NTNG2: variants seen among roughly 807,000 people sequenced by gnomAD.
The protein encoded by NTNG2 is netrin G2.
NTNG2 carries 15 observed loss-of-function variants against 47.6 expected under a neutral mutation model. The observed-to-expected ratio is 0.32, with a 90% CI of 0.21 to 0.49. NTNG2 has a LOEUF of 0.49. Among genes scored for constraint, NTNG2 ranks in the 20% least tolerant of loss-of-function variants. NTNG2 has a pLI of 0.99. For synonymous variants in NTNG2, 307 were observed against 324.6 expected (o/e 0.95, Z 0.58); for missense variants, 578 against 764.6 (o/e 0.76, Z 2.88).
At chr9:132,168,320 C>T (rs1835646330) in intron 2 of NTNG2, among the ~76,000 whole-genome samples, 1 of 152,216 alleles carries the variant, frequency 6.6e-6, no homozygotes, top group South Asian at 2.1e-4. Flanking sequence ...GATGCCATCC[C>T]CCAGGCAGCT....
At position 132,231,495 on chromosome 9, in the gene NTNG2, C is replaced by A. The variant is rs2130975325; in HGVS notation, c.1054+900C>A. The A allele has an allele frequency of 2.8e-6, 1 of 358,914 alleles. No homozygotes were observed. The highest frequency in any genetic ancestry group is 5.5e-6 in the Non-Finnish European group (1 of 181,810). The allele number at this position is 358,914 out of a possible 1,614,324, so 22.2% of individuals were successfully genotyped here. On this transcript the variant is annotated intron_variant, in intron 5 of 7. Transcript: ENST00000393229. This position sits in a 1 kb window ranked among gnomAD's most constrained non-coding sequence, Gnocchi z 4.1. Reference sequence around the variant, plus strand: ...CCTCCCGGACCCAGGGGGCCCCTGGCTGGGAAGCCAGTGAGCCGAGAGGGC... The same window carrying A: ...CCTCCCGGACCCAGGGGGCCCCTGGATGGGAAGCCAGTGAGCCGAGAGGGC...
intron 2 of NTNG2, among the ~76,000 whole-genome samples, chr9:132,179,267 G>A (rs1354325119): frequency 2.0e-5 from 3 of 152,224 alleles, no homozygotes; most frequent in Non-Finnish European, 2.9e-5. Context: ...AGTGGGGGCC[G>A]GAGCTGCCTC....
chr9:132,241,475 A>G lies in NTNG2; in HGVS notation c.1358-401A>G, dbSNP rs540921695. 304 of 327,724 alleles carry G rather than the reference A, an allele frequency of 9.3e-4. 1 individual carries two copies. Among genetic ancestry groups the G allele is most frequent in the African/African-American group, 6.4e-3 (288 of 44,932 alleles). 20.3% of individuals were successfully genotyped at this position (327,724 alleles called of 1,614,324 possible). A position where few individuals can be genotyped will look rare whatever the true frequency, so the allele number is the denominator to read the frequency against. The stretch of plus-strand genomic sequence containing the variant: ...ACGGTGGTGCCTGGTGGGAACTACG[A>G]GAAAGACCGAGCTGGGGTTGGTTGG... On this transcript the variant is annotated intron_variant, in intron 7 of 7. Transcript: ENST00000393229.
At chr9:132,181,148 G>A (rs578251884) in intron 2 of NTNG2, among the ~76,000 whole-genome samples, 3 of 151,350 alleles carry the variant, frequency 2.0e-5, no homozygotes, top group South Asian at 4.2e-4. Flanking sequence ...CAGTGAAGCA[G>A]TCTTGGCTCA....
chr9:132,167,673 G>A (rs766198754), intron 2 of NTNG2, among the ~76,000 whole-genome samples: 1 of 152,142 alleles, frequency 6.6e-6, no homozygotes, highest in Non-Finnish European at 1.5e-5. Flanking sequence ...TGGGTAAGTC[G>A]GGGGAAGGCA....
rs749756559 is a variant in NTNG2 at position 132,189,068 on chromosome 9, CTTT to C, written c.214-8873_214-8871del. Among the ~76,000 whole-genome samples, 192 of 93,280 alleles carry C rather than the reference CTTT, an allele frequency of 2.1e-3. 34 individuals are homozygous for C. The Middle Eastern group carries it at 0.027, about 13-fold the overall frequency. The allele number at this position is 93,280 out of a possible 152,430, so 61.2% of individuals were successfully genotyped here. A position where few individuals can be genotyped will look rare whatever the true frequency, so the allele number is the denominator to read the frequency against. On this transcript the variant is annotated intron_variant, in intron 2 of 7. Coordinates refer to ENST00000393229, the MANE Select transcript of NTNG2 (RefSeq NM_032536.4). ...TATGTGAAAAAGGCTTTAAGCCTTT[CTTT>C]TTTTTTTTTTTTTTTTTTTTTTTTA...
intron 3 of NTNG2, among the ~76,000 whole-genome samples, chr9:132,207,494 T>C (rs1176341265): frequency 6.6e-6 from 1 of 152,192 alleles, no homozygotes; most frequent in Non-Finnish European, 1.5e-5. Flanking sequence ...TCCCCGTGTC[T>C]CTTCCTACAG....
intron 3 of NTNG2, among the ~76,000 whole-genome samples, chr9:132,214,624 A>G (rs1405612246): frequency 6.6e-6 from 1 of 152,222 alleles, no homozygotes; most frequent in Admixed American, 6.5e-5. Context: ...GCCAGCTTCC[A>G]GCAAGCAAGT....
At position 132,226,706 on chromosome 9, in the gene NTNG2, G is replaced by T; in HGVS notation, c.858-143G>T. The T allele has an allele frequency of 1.6e-6, 1 of 618,402 alleles. No individual in the cohort carries two copies. Among genetic ancestry groups the T allele is most frequent in the Non-Finnish European group, 2.7e-6 (1 of 375,788 alleles). The allele number at this position is 618,402 out of a possible 1,614,324, so 38.3% of individuals were successfully genotyped here. On this transcript the variant is annotated intron_variant, in intron 3 of 7. Transcript: ENST00000393229. The surrounding 1 kb of genome is among the most constrained non-coding windows in gnomAD (Gnocchi z 4.8). ...GAATCAAGGAGTTTCTGGCCTAAAG[G>T]TTGGGCTGGTGGCCTCCAGGGTTTC...
Position 132,167,038 on chromosome 9 carries a change from C to T in NTNG2, c.207C>T (p.Cys69=). The T allele has an allele frequency of 1.9e-6, 3 of 1,614,152 alleles. No individual in the cohort carries two copies. The highest frequency in any genetic ancestry group is 2.5e-6 in the Non-Finnish European group (3 of 1,179,972). The change falls in exon 2 of 8, where the codon TGC becomes TGT. Residue 69 remains cysteine (C), a synonymous_variant. Coordinates refer to ENST00000393229, the MANE Select transcript of NTNG2 (RefSeq NM_032536.4). ...ITCGDPPERF[C]SHENPYLCSN... is the part of the protein sequence containing the mutation. ...GTGGAGACCCCCCTGAGAGGTTCTG[C>T]TCCCATGTAAGTCCACTTACTGCTC...
rs1841671538 is a variant in NTNG2, at chr9:132,236,904, G to C, written c.1055-2200G>C. ...GACAGCGAAGGATTCACTTCGGCTG[G>C]AGCAGGAAGAGTGTTTCAGAAAGGA... is the stretch of plus-strand genomic sequence containing the variant. On this transcript the variant is annotated intron_variant, in intron 5 of 7. Transcript: ENST00000393229. The surrounding 1 kb of genome is among the most constrained non-coding windows in gnomAD (Gnocchi z 4.3). Among the ~76,000 whole-genome samples the C allele has an allele frequency of 1.3e-5, 2 of 152,206 alleles. No individual in the cohort carries two copies. Among genetic ancestry groups the C allele is most frequent in the Admixed American group, 1.3e-4 (2 of 15,278 alleles).
chr9:132,198,009 C>T lies in NTNG2; in HGVS notation c.257C>T (p.Pro86Leu), dbSNP rs1268144270. 1 of 1,613,524 alleles carries T rather than the reference C, an allele frequency of 6.2e-7. No individual in the cohort carries two copies. The highest frequency in any genetic ancestry group is 8.5e-7 in the Non-Finnish European group (1 of 1,180,002). Residue 86 changes from proline to leucine, a missense_variant, in exon 3 of 8, where the codon CCG (proline) becomes CTG (leucine). Physicochemically the swap from Pro to Leu is moderately conservative, Grantham distance 98. Transcript: ENST00000393229. The stretch of plus-strand genomic sequence containing the variant: ...AGCAACGAGTGTGACGCCTCCAACC[C>T]GGACCTGGCCCACCCGCCCAGGCTC... ...LCSNECDASN[P>L]DLAHPPRLMF...
intron 7 of NTNG2, chr9:132,241,405 G>A (rs1841978646): frequency 5.4e-6 from 2 of 367,764 alleles, no homozygotes; most frequent in Non-Finnish European, 1.0e-5. Context: ...CCGGGCCGAG[G>A]GGCGGGTCCA....
chr9:132,223,078 C>T (rs951062117), intron 3 of NTNG2, among the ~76,000 whole-genome samples: 2 of 152,172 alleles, frequency 1.3e-5, no homozygotes, highest in Admixed American at 1.3e-4. Context: ...TGTGCCACGG[C>T]ACTCCAGCCT....
chr9:132,213,189 G>T (rs1031578794), intron 3 of NTNG2, among the ~76,000 whole-genome samples: 3 of 152,046 alleles, frequency 2.0e-5, no homozygotes, highest in Non-Finnish European at 2.9e-5. Flanking sequence ...AAGCATAGTG[G>T]TGCATGCCTA....
chr9:132,240,830 C>T, intron 6 of NTNG2, 80 bp from the exon 7 acceptor site: 2 of 1,597,816 alleles, frequency 1.3e-6, no homozygotes, highest in Non-Finnish European at 8.5e-7. Flanking sequence ...ATGCTCCCTG[C>T]GAGGCCGGGA....
In NTNG2 at chr9:132,230,564, T is replaced by C. The variant is rs1841128498; in HGVS notation, c.1031-8T>C. ...GGCAGCCAGCTCACGCCCGTCTCTC[T>C]CCCACAGGTGCCACTGCAGGTTCCT... On this transcript the variant is annotated splice_polypyrimidine_tract_variant and splice_region_variant and intron_variant, in intron 4 of 7. Coordinates refer to ENST00000393229, the MANE Select transcript of NTNG2 (RefSeq NM_032536.4). 1 of 1,603,180 alleles carries C rather than the reference T, an allele frequency of 6.2e-7. No individual in the cohort carries two copies. The highest frequency in any genetic ancestry group is 2.2e-5 in the East Asian group (1 of 44,598).
intron 2 of NTNG2, among the ~76,000 whole-genome samples, chr9:132,183,099 C>A (rs1837074709): frequency 6.6e-6 from 1 of 152,060 alleles, no homozygotes; most frequent in South Asian, 2.1e-4. Context: ...CCATGGCCTG[C>A]CTCGGCTCTC....
At chr9:132,188,600 C>T (rs893609018) in intron 2 of NTNG2, among the ~76,000 whole-genome samples, 3 of 152,184 alleles carry the variant, frequency 2.0e-5, no homozygotes, top group East Asian at 1.9e-4. Context: ...GCACACAGGG[C>T]GCCCAGCACA....
Sources: gnomAD v4.1 joint callset for allele counts (sites outside exome capture counted in the v4.1 genomes callset) on GRCh38, gnomAD v4.1.1 for gene constraint, Gnocchi (gnomAD v3.1) non-coding constraint, MANE v1.5 for transcripts, NCBI Gene and HGNC (gene_info 2026-07-23, HGNC 2026-07-21) for gene names.